Variants in KCNH8 observed in about 807,000 individuals in gnomAD.
KCNH8 encodes the protein potassium voltage-gated channel subfamily H member 8, also known as voltage-gated delayed rectifier potassium channel KCNH8.
Under a neutral mutation model 103.6 loss-of-function variants are expected in KCNH8, and 70 were observed. That is an observed-to-expected ratio of 0.68 (90% CI 0.56 to 0.82). The LOEUF (loss-of-function observed/expected upper bound fraction) is 0.82. Ranked by LOEUF, KCNH8 falls within the 40% of genes least tolerant of loss-of-function variation. The probability of loss-of-function intolerance (pLI) is 0.00; values close to 1 mark genes in which losing one functional copy is unlikely to be tolerated. For synonymous variants in KCNH8, 498 were observed against 489.4 expected (o/e 1.02, Z -0.23); for missense variants, 1,217 against 1,329.9 (o/e 0.92, Z 1.32).
chr3:19,195,296 G>T (rs1024338279), intron 1 of KCNH8, among the ~76,000 whole-genome samples: 2 of 151,874 alleles, frequency 1.3e-5, no homozygotes, highest in Non-Finnish European at 2.9e-5. Flanking sequence ...TCCCCTTGCT[G>T]GTTGTCAGAT....
chr3:19,372,653 AT>A, intron 5 of KCNH8, among the ~76,000 whole-genome samples: 1 of 152,256 alleles, frequency 6.6e-6, no homozygotes, highest in African/African-American at 2.4e-5. Flanking sequence ...ACTATGTTGA[AT>A]AGGAGTGGTG....
At chr3:19,299,978 G>A (rs2065044970) in intron 3 of KCNH8, among the ~76,000 whole-genome samples, 1 of 152,242 alleles carries the variant, frequency 6.6e-6, no homozygotes, top group African/African-American at 2.4e-5. Context: ...GCCAGGCATG[G>A]TAGCTCACGC....
chr3:19,207,463 A>T (rs1281666392), intron 1 of KCNH8, among the ~76,000 whole-genome samples: 1 of 151,998 alleles, frequency 6.6e-6, no homozygotes, highest in Non-Finnish European at 1.5e-5. Context: ...GATCTCTTTT[A>T]AGAAAATAAA....
At chr3:19,184,995 A>T (rs1412865242) in intron 1 of KCNH8, among the ~76,000 whole-genome samples, 1 of 151,876 alleles carries the variant, frequency 6.6e-6, no homozygotes, top group African/African-American at 2.4e-5. Context: ...CATTATATAG[A>T]TATACCATAC....
intron 11 of KCNH8, among the ~76,000 whole-genome samples, chr3:19,466,779 A>T (rs2067747352): frequency 6.9e-6 from 1 of 145,220 alleles, no homozygotes; most frequent in South Asian, 2.2e-4. Context: ...CTCCTGCCTC[A>T]GCCTCCCGAG....
chr3:19,532,007 A>C (rs1369760336), intron 15 of KCNH8, among the ~76,000 whole-genome samples: 1 of 152,230 alleles, frequency 6.6e-6, no homozygotes, highest in Non-Finnish European at 1.5e-5. Context: ...CAAAGACTAG[A>C]AAATACATGT....
intron 1 of KCNH8, among the ~76,000 whole-genome samples, chr3:19,179,546 A>G (rs2063431347): frequency 6.6e-6 from 1 of 152,182 alleles, no homozygotes; most frequent in Non-Finnish European, 1.5e-5. Flanking sequence ...ATTTCAGAAC[A>G]AATTTTGTGA....
intron 11 of KCNH8, among the ~76,000 whole-genome samples, chr3:19,503,810 G>A (rs1250304683): frequency 6.6e-6 from 1 of 151,738 alleles, no homozygotes; most frequent in South Asian, 2.1e-4. Context: ...GATAGCATTA[G>A]GAGATATACC....
chr3:19,491,335 C>T (rs2068316371), intron 11 of KCNH8, among the ~76,000 whole-genome samples: 2 of 152,142 alleles, frequency 1.3e-5, no homozygotes, highest in African/African-American at 4.8e-5. Context: ...CCCTTCCCCG[C>T]TCTCTCTAGC....
At chr3:19,288,960 T>G (rs2064876932) in intron 3 of KCNH8, among the ~76,000 whole-genome samples, 1 of 152,192 alleles carries the variant, frequency 6.6e-6, no homozygotes, top group Non-Finnish European at 1.5e-5. Context: ...TGGTTTTGAT[T>G]TGCATTTCTC....
At chr3:19,411,841 G>T (rs913927973) in intron 7 of KCNH8, among the ~76,000 whole-genome samples, 2 of 151,238 alleles carry the variant, frequency 1.3e-5, no homozygotes, top group Non-Finnish European at 3.0e-5. Flanking sequence ...ATATCTGCAA[G>T]GAGAATTACA....
At chr3:19,420,027 C>G (rs2066927612) in intron 7 of KCNH8, among the ~76,000 whole-genome samples, 1 of 151,970 alleles carries the variant, frequency 6.6e-6, no homozygotes, top group African/African-American at 2.4e-5. Context: ...AAGCCTAGAC[C>G]CTGTACTTAC....
chr3:19,495,469 C>T (rs183367759), intron 11 of KCNH8, among the ~76,000 whole-genome samples: 1 of 152,146 alleles, frequency 6.6e-6, no homozygotes, highest in Admixed American at 6.5e-5. Context: ...GGAGTCCTTT[C>T]CCCATTGCTG....
chr3:19,514,319 G>A lies in KCNH8; in HGVS notation c.2435+994G>A, dbSNP rs558437690. Among the ~76,000 whole-genome samples, 6 of 151,980 alleles carry A rather than the reference G, an allele frequency of 3.9e-5. No homozygotes were observed. The East Asian group carries it at 5.8e-4, about 15-fold the overall frequency. On this transcript the variant is annotated intron_variant, in intron 13 of 15. Coordinates refer to ENST00000328405, the MANE Select transcript of KCNH8 (RefSeq NM_144633.3). ...GATAAAATAGGTTTAGCAAAAAGTA[G>A]GCGGATGATATATTTTCAAGAATTC...
chr3:19,425,751 A>C (rs1330769028), intron 7 of KCNH8, among the ~76,000 whole-genome samples: 2 of 152,230 alleles, frequency 1.3e-5, no homozygotes, highest in Non-Finnish European at 2.9e-5. Context: ...AACTGTATTC[A>C]GTTCAGTTCT....
intron 11 of KCNH8, among the ~76,000 whole-genome samples, chr3:19,467,317 ACACACACACATGTG>A (rs1194429660): frequency 6.6e-6 from 1 of 151,854 alleles, no homozygotes; most frequent in African/African-American, 2.4e-5. Flanking sequence ...ACACACACAC[ACACACACACATGTG>A]CACACACACA....
At chr3:19,217,378 G>A (rs1418583580) in intron 1 of KCNH8, among the ~76,000 whole-genome samples, 2 of 152,060 alleles carry the variant, frequency 1.3e-5, no homozygotes, top group Non-Finnish European at 2.9e-5. Flanking sequence ...TTGTTTTCTG[G>A]AGGCAAACAT....
chr3:19,216,085 TA>T (rs544771348), intron 1 of KCNH8, among the ~76,000 whole-genome samples: 2 of 152,230 alleles, frequency 1.3e-5, no homozygotes, highest in Non-Finnish European at 2.9e-5. Context: ...GTAATTTGAA[TA>T]AGCAGTTTTG....
At chr3:19,490,614 T>C (rs2068299485) in intron 11 of KCNH8, among the ~76,000 whole-genome samples, 1 of 152,222 alleles carries the variant, frequency 6.6e-6, no homozygotes, top group Admixed American at 6.5e-5. Context: ...TGCCTGTGGA[T>C]TTCATTTCTG....
Sources: allele counts gnomAD v4.1 joint callset (sites outside exome capture counted in the v4.1 genomes callset), GRCh38; gene constraint gnomAD v4.1.1; transcripts MANE v1.5; gene names NCBI Gene and HGNC (gene_info 2026-07-23, HGNC 2026-07-21).